ETS1: variants seen among roughly 807,000 people sequenced by gnomAD.
ETS1 encodes the protein protein C-ets-1.
In ETS1, 15 loss-of-function variants were observed where a neutral mutation model predicts 58.6. The observed-to-expected ratio is 0.26, with a 90% CI of 0.17 to 0.39. The LOEUF is 0.39. ETS1 is among the 10% of genes least tolerant of loss of function. ETS1 has a pLI of 1.00. For synonymous variants in ETS1, 214 were observed against 218.2 expected (o/e 0.98, Z 0.17); for missense variants, 417 against 610.5 (o/e 0.68, Z 3.34).
chr11:128,513,927 T>C (rs1863454558), intron 3 of ETS1, among the ~76,000 whole-genome samples: 1 of 152,158 alleles, frequency 6.6e-6, no homozygotes, highest in Non-Finnish European at 1.5e-5. Context: ...AACACATTTT[T>C]ATTCTGAACA....
intron 2 of ETS1, among the ~76,000 whole-genome samples, chr11:128,559,411 G>GA (rs1246202268): frequency 6.6e-6 from 1 of 152,224 alleles, no homozygotes; most frequent in Non-Finnish European, 1.5e-5. Flanking sequence ...ACCATGCACA[G>GA]AATCAGCTTG....
intron 3 of ETS1, chr11:128,522,089 G>C: frequency 9.7e-6 from 13 of 1,338,676 alleles, no homozygotes; most frequent in South Asian, 1.9e-5. Context: ...GGAAGGGGAC[G>C]GGGGAAATCC....
Position 128,560,992 on chromosome 11 carries a change from A to G in ETS1, c.70-4557T>C, listed in dbSNP as rs544379242. The stretch of plus-strand genomic sequence containing the variant: ...AAAGAAGAGGAAGATAATCCATCCA[A>G]AGGTAAAAAAGAACATATACAGCTA... On this transcript the variant is annotated intron_variant, in intron 2 of 9. Coordinates refer to ENST00000392668, the MANE Select transcript of ETS1 (RefSeq NM_001143820.2). Among the ~76,000 whole-genome samples, 14 of 152,296 alleles carry G rather than the reference A, an allele frequency of 9.2e-5. No homozygotes were observed. In the South Asian group the frequency reaches 2.9e-3, roughly 32 times the overall value.
Position 128,556,277 on chromosome 11 carries a change from G to C in ETS1, c.214+14C>G. 1 of 1,596,126 alleles carries C rather than the reference G, an allele frequency of 6.3e-7. No individual in the cohort carries two copies. Among genetic ancestry groups the C allele is most frequent in the East Asian group, 2.2e-5 (1 of 44,642 alleles). ...AACTCTATCCTCATTCCCAGCTTTT[G>C]TTTATGTTCCTACCTGAGACACAGT... On this transcript the variant is annotated intron_variant, in intron 3 of 9. Transcript: ENST00000392668.
At chr11:128,502,261 C>T (rs1490942509) in intron 3 of ETS1, among the ~76,000 whole-genome samples, 1 of 152,176 alleles carries the variant, frequency 6.6e-6, no homozygotes, top group Non-Finnish European at 1.5e-5. Context: ...CGTATAGTTG[C>T]TTCTTAGCCT....
At chr11:128,507,436 A>T (rs1238332007) in intron 3 of ETS1, among the ~76,000 whole-genome samples, 1 of 152,230 alleles carries the variant, frequency 6.6e-6, no homozygotes, top group Admixed American at 6.5e-5. Flanking sequence ...CTGCCTTGGC[A>T]GCCGGCTCAG....
At chr11:128,499,308 T>C (rs990107754) in intron 3 of ETS1, among the ~76,000 whole-genome samples, 1 of 152,144 alleles carries the variant, frequency 6.6e-6, no homozygotes, top group Non-Finnish European at 1.5e-5. Flanking sequence ...AACCAATTTA[T>C]TTTAATTTCA....
At chr11:128,554,521 C>G (rs1864283145) in intron 3 of ETS1, among the ~76,000 whole-genome samples, 1 of 152,078 alleles carries the variant, frequency 6.6e-6, no homozygotes, top group African/African-American at 2.4e-5. Flanking sequence ...ATAAAAACAT[C>G]TTTACCTTTG....
At chr11:128,517,119 C>T (rs1241349581) in intron 3 of ETS1, among the ~76,000 whole-genome samples, 1 of 152,170 alleles carries the variant, frequency 6.6e-6, no homozygotes, top group Non-Finnish European at 1.5e-5. Context: ...GACTGCCAGG[C>T]CTGGGGACAA....
rs530770975 is a variant in ETS1, at chr11:128,576,236, GA to G, written c.-14-3093del. On this transcript the variant is annotated intron_variant, in intron 1 of 9. Coordinates refer to ENST00000392668, the MANE Select transcript of ETS1 (RefSeq NM_001143820.2). ...CTGCTTTATTATTTTTTTGGAGAAA[GA>G]AAAAAAGAACCCGCCCTTTTTCCAC... 6.0e-4 allele frequency among the ~76,000 whole-genome samples: 91 copies of G among 152,166 alleles called. 1 individual carries two copies. The South Asian group carries it at 0.013, about 23-fold the overall frequency.
At chr11:128,504,344 C>G (rs1863173540) in intron 3 of ETS1, among the ~76,000 whole-genome samples, 1 of 152,194 alleles carries the variant, frequency 6.6e-6, no homozygotes, top group African/African-American at 2.4e-5. Context: ...CCCTCTATCC[C>G]GCCCTCACTA....
At chr11:128,560,222 C>T (rs1227571963) in intron 2 of ETS1, among the ~76,000 whole-genome samples, 1 of 152,320 alleles carries the variant, frequency 6.6e-6, no homozygotes, top group East Asian at 1.9e-4. Flanking sequence ...AAGTGATTCT[C>T]CTGCCTCAGC....
intron 3 of ETS1, among the ~76,000 whole-genome samples, chr11:128,531,920 T>C (rs1318357406): frequency 2.6e-5 from 4 of 152,190 alleles, no homozygotes; most frequent in Non-Finnish European, 5.9e-5. Context: ...AGGCAGCACC[T>C]TACTGCACTC....
chr11:128,510,804 G>T (rs1863372770), intron 3 of ETS1, among the ~76,000 whole-genome samples: 1 of 152,084 alleles, frequency 6.6e-6, no homozygotes, highest in Non-Finnish European at 1.5e-5. Flanking sequence ...CCACTCCCAA[G>T]GAAACACCAG....
chr11:128,471,867 T>C (rs1036581649), intron 8 of ETS1, among the ~76,000 whole-genome samples: 2 of 152,242 alleles, frequency 1.3e-5, no homozygotes, highest in Admixed American at 1.3e-4. Context: ...CAACTTGCTC[T>C]CTGGAATTTA....
At chr11:128,521,418 T>C (rs1009382617) in intron 3 of ETS1, among the ~76,000 whole-genome samples, 4 of 152,180 alleles carry the variant, frequency 2.6e-5, no homozygotes, top group African/African-American at 9.7e-5. Context: ...GCAAGGCATG[T>C]GACAGGGACG....
Position 128,466,873 on chromosome 11 carries a change from T to C in ETS1, c.1124-3246A>G, listed in dbSNP as rs187148725. ...TATGAATGGGAAGAAATCTCTCCCG[T>C]TGGCTTCATAATAGGACAGTCAACA... On this transcript the variant is annotated intron_variant, in intron 8 of 9. Transcript: ENST00000392668. Among the ~76,000 whole-genome samples the C allele has an allele frequency of 2.3e-3, 346 of 152,212 alleles. 2 individuals carry two copies. The highest frequency in any genetic ancestry group is 8.1e-3 in the African/African-American group (337 of 41,522).
chr11:128,490,846 G>T (rs1358888696), intron 3 of ETS1, among the ~76,000 whole-genome samples: 1 of 151,544 alleles, frequency 6.6e-6, no homozygotes. Context: ...AGCCTCCTGA[G>T]TAGCTAGGAT....
chr11:128,472,741 A>G (rs1475998275), intron 8 of ETS1, among the ~76,000 whole-genome samples: 4 of 152,172 alleles, frequency 2.6e-5, no homozygotes, highest in Admixed American at 2.0e-4. Context: ...GGGCCCAGCC[A>G]AAGTTTTCTT....
Sources: allele counts gnomAD v4.1 joint callset (sites outside exome capture counted in the v4.1 genomes callset), GRCh38; gene constraint gnomAD v4.1.1; transcripts MANE v1.5; gene names NCBI Gene and HGNC (gene_info 2026-07-23, HGNC 2026-07-21).